The following PTCH1 variants were observed in gnomAD, a reference collection of about 807,000 sequenced individuals.
PTCH1 encodes patched 1, also known as protein patched homolog 1.
Under a neutral mutation model 144.6 loss-of-function variants are expected in PTCH1, and 14 were observed. The observed-to-expected ratio is 0.10, with a 90% CI of 0.06 to 0.15. The LOEUF is 0.15. Among genes scored for constraint, PTCH1 ranks in the 10% least tolerant of loss-of-function variants. The pLI is 1.00. For missense variants in PTCH1, 1,623 were observed against 1,948.3 expected, an observed-to-expected ratio of 0.83 and a Z score of 3.14; for synonymous variants, 833 against 793.6, an observed-to-expected ratio of 1.05 and a Z score of -0.83.
chr9:95,479,265 G>T, intron 7 of PTCH1, 118 bp from the exon 8 acceptor site: 1 of 1,298,546 alleles, frequency 7.7e-7, no homozygotes, highest in Non-Finnish European at 1.1e-6. Context: ...CCTTCTCTGT[G>T]AGCACATGTT....
intron 1 of PTCH1, among the ~76,000 whole-genome samples, chr9:95,515,686 G>C (rs1433865297): frequency 6.6e-6 from 1 of 152,174 alleles, no homozygotes; most frequent in Non-Finnish European, 1.5e-5. Context: ...CTAAGCACTG[G>C]GCTGGTCGCC....
At chr9:95,482,108 T>C in intron 4 of PTCH1, 26 bp downstream of exon 4, 8 of 1,613,340 alleles carry the variant, frequency 5.0e-6, no homozygotes, top group African/African-American at 1.3e-5. Flanking sequence ...TCCTGAGAAA[T>C]TTTTGCCAAC....
At chr9:95,507,808 G>C (rs1316501810) in intron 1 of PTCH1, 1 of 518,246 alleles carries the variant, frequency 1.9e-6, no homozygotes, top group East Asian at 8.4e-5. Flanking sequence ...AGGGCAGGGG[G>C]CACGGGGCAG....
chr9:95,512,119 G>T (rs565296803), upstream of PTCH1, among the ~76,000 whole-genome samples: 3 of 152,316 alleles, frequency 2.0e-5, no homozygotes, highest in East Asian at 5.8e-4. Flanking sequence ...ATGTCCTCTG[G>T]TTCCGGCGGC....
chr9:95,480,664 C>A (rs1841467843), intron 5 of PTCH1, 76 bp from the exon 6 acceptor site: 1 of 1,433,648 alleles, frequency 7.0e-7, no homozygotes, highest in African/African-American at 1.4e-5. Flanking sequence ...GCTGCGCCCA[C>A]TGCATCCACC....
At chr9:95,477,504 T>A (rs1841144120) in intron 10 of PTCH1, 43 bp downstream of exon 10, 1 of 1,613,628 alleles carries the variant, frequency 6.2e-7, no homozygotes, top group South Asian at 1.1e-5. Flanking sequence ...GGGGGCCGGG[T>A]GGCATTTGTC....
chr9:95,507,787 GGAA>G (rs918754709), intron 1 of PTCH1: 31 of 342,456 alleles, frequency 9.1e-5, no homozygotes, highest in African/African-American at 6.1e-4. Context: ...GGGCGCAGGA[GGAA>G]GAAGTTCAGG....
intron 12 of PTCH1, among the ~76,000 whole-genome samples, chr9:95,473,542 ATTTT>A (rs34481207): frequency 5.9e-5 from 7 of 119,018 alleles, no homozygotes; most frequent in African/African-American, 1.3e-4. Context: ...TTTCTATCCT[ATTTT>A]TTTTTTTTTT....
chr9:95,515,789 A>C (rs1362403948), intron 1 of PTCH1, among the ~76,000 whole-genome samples: 30 of 151,984 alleles, frequency 2.0e-4, no homozygotes, highest in Admixed American at 1.8e-3. Flanking sequence ...CCCTTCCAGA[A>C]CTCCAAAAGC....
intron 2 of PTCH1, among the ~76,000 whole-genome samples, chr9:95,486,570 G>C (rs571812615): frequency 6.6e-6 from 1 of 152,232 alleles, no homozygotes; most frequent in Non-Finnish European, 1.5e-5. Flanking sequence ...CCTGTTTTCC[G>C]GAAGCACCCC....
rs2136603319 is a variant in PTCH1 at position 95,449,334 on chromosome 9, G to A, written c.3550-11C>T. On this transcript the variant is annotated splice_polypyrimidine_tract_variant and intron_variant, in intron 21 of 23. Coordinates refer to ENST00000331920, the MANE Select transcript of PTCH1 (RefSeq NM_000264.5). This position sits in a 1 kb window ranked among gnomAD's most constrained non-coding sequence, Gnocchi z 5.3. ...GTTGGCTGGAGACACCTATTTAAGG[G>A]GATTCCATGTTAAAAGTGTTCTTGT... is the stretch of plus-strand genomic sequence containing the variant. The A allele has an allele frequency of 6.5e-7, 1 of 1,544,230 alleles. No individual in the cohort carries two copies. Among genetic ancestry groups the A allele is most frequent in the Non-Finnish European group, 8.7e-7 (1 of 1,147,812 alleles).
intron 3 of PTCH1, among the ~76,000 whole-genome samples, chr9:95,485,453 C>G (rs967453748): frequency 2.0e-5 from 3 of 152,140 alleles, no homozygotes; most frequent in Non-Finnish European, 2.9e-5. Flanking sequence ...GGGGACAGTG[C>G]CAAGATACTT....
intron 2 of PTCH1, among the ~76,000 whole-genome samples, chr9:95,505,076 T>C (rs1843458223): frequency 6.6e-6 from 1 of 152,216 alleles, no homozygotes; most frequent in Non-Finnish European, 1.5e-5. Context: ...GAATGTTTTG[T>C]CTTAATTATG....
In PTCH1 at chr9:95,480,089, G is replaced by A. The variant is rs143813198; in HGVS notation, c.947C>T (p.Pro316Leu). The A allele has an allele frequency of 1.9e-6, 3 of 1,613,940 alleles. No homozygotes were observed. Among genetic ancestry groups the A allele is most frequent in the Non-Finnish European group, 1.7e-6 (2 of 1,180,004 alleles). Residue 316 changes from proline to leucine, a missense_variant and splice_region_variant, in exon 7 of 24, where the codon CCT becomes CTT. Physicochemically the swap from Pro to Leu is moderately conservative, Grantham distance 98. Coordinates refer to ENST00000331920, the MANE Select transcript of PTCH1 (RefSeq NM_000264.5). Reference sequence around the variant, plus strand: ...ATTCAAAACAAGGGCCATATCAAGAGGCTAAAATAAAAAGACAGCCACATA... The same window carrying A: ...ATTCAAAACAAGGGCCATATCAAGAAGCTAAAATAAAAAGACAGCCACATA... ...ATAPNKNSTK[P>L]LDMALVLNGG...
At position 95,469,170 on chromosome 9, in the gene PTCH1, CAT is replaced by C. The variant is rs779136053; in HGVS notation, c.1848-19_1848-18del. 6.2e-7 allele frequency: 1 copy of C among 1,613,834 alleles called. No homozygotes were observed. Among genetic ancestry groups the C allele is most frequent in the African/African-American group, 1.3e-5 (1 of 74,894 alleles). The stretch of plus-strand genomic sequence containing the variant: ...ACGCAGGGGCTGAAAGGAGGGGAAA[CAT>C]GTTGCAATGTTATGCTGAAACAGGG... On this transcript the variant is annotated intron_variant, in intron 13 of 23. Transcript: ENST00000331920.
chr9:95,506,779 G>A, intron 1 of PTCH1, 180 bp from the exon 2 acceptor site: 1 of 1,074,458 alleles, frequency 9.3e-7, no homozygotes, highest in Non-Finnish European at 1.2e-6. Context: ...GGGGGGCTCG[G>A]TCATAAAGCC....
At chr9:95,468,704 T>C (rs2118016125) in intron 14 of PTCH1, 47 bp downstream of exon 14, 1 of 1,600,592 alleles carries the variant, frequency 6.2e-7, no homozygotes, top group Non-Finnish European at 8.6e-7. Flanking sequence ...CCAAAGGTTC[T>C]GTTATTTTTT....
intron 17 of PTCH1, among the ~76,000 whole-genome samples, chr9:95,459,378 C>T (rs192134703): frequency 2.0e-5 from 3 of 152,334 alleles, no homozygotes; most frequent in Admixed American, 6.5e-5. Context: ...ATTAAAGCTA[C>T]GAATGGAGAC....
chr9:95,486,343 G>A (rs1431545676), intron 2 of PTCH1, among the ~76,000 whole-genome samples: 1 of 152,246 alleles, frequency 6.6e-6, no homozygotes, highest in Non-Finnish European at 1.5e-5. Context: ...AAGAAACAAG[G>A]AAAGGTGGCC....
Sources: gnomAD v4.1 joint callset for allele counts (sites outside exome capture counted in the v4.1 genomes callset) on GRCh38, gnomAD v4.1.1 for gene constraint, Gnocchi (gnomAD v3.1) non-coding constraint, MANE v1.5 for transcripts, NCBI Gene and HGNC (gene_info 2026-07-23, HGNC 2026-07-21) for gene names.